FAT3: variants seen among roughly 807,000 people sequenced by gnomAD.
The protein encoded by FAT3 is protocadherin Fat 3.
Under a neutral mutation model 310.2 loss-of-function variants are expected in FAT3, and 95 were observed. That is an observed-to-expected ratio of 0.31 (90% CI 0.26 to 0.36). The LOEUF (loss-of-function observed/expected upper bound fraction) is 0.36, where lower values mean the gene tolerates loss of function less well. Among genes scored for constraint, FAT3 ranks in the 10% least tolerant of loss-of-function variants. The pLI is 1.00. For synonymous variants in FAT3, 2,314 were observed against 2,192.9 expected (o/e 1.06, Z -1.54); for missense variants, 5,408 against 5,715.6 (o/e 0.95, Z 1.74).
chr11:92,244,336 A>G (rs935878108), intron 1 of FAT3, among the ~76,000 whole-genome samples: 1 of 152,092 alleles, frequency 6.6e-6, no homozygotes, highest in Non-Finnish European at 1.5e-5. Context: ...ACTCCCAGTT[A>G]AATTTGAAAA....
intron 1 of FAT3, among the ~76,000 whole-genome samples, chr11:92,345,282 C>G (rs1336205291): frequency 6.6e-6 from 1 of 152,054 alleles, no homozygotes; most frequent in Non-Finnish European, 1.5e-5. Flanking sequence ...TTGTTAGATA[C>G]TATAAGAAGA....
rs907675563 is a variant in FAT3 at position 92,599,113 on chromosome 11, G to A, written c.3607+74165G>A. On this transcript the variant is annotated intron_variant, in intron 3 of 27. Coordinates refer to ENST00000525166, the MANE Select transcript of FAT3 (RefSeq NM_001367949.2). ...CCTCTCTAATGAGTGTTACTATTCA[G>A]GGGAGTACACTTCTTGCTCAAGGGA... Among the ~76,000 whole-genome samples, 3 of 152,242 alleles carry A rather than the reference G, an allele frequency of 2.0e-5. No homozygotes were observed. The East Asian group carries it at 5.8e-4, about 29-fold the overall frequency.
chr11:92,557,552 A>G (rs1293876083), intron 3 of FAT3, among the ~76,000 whole-genome samples: 2 of 152,166 alleles, frequency 1.3e-5, no homozygotes, highest in African/African-American at 2.4e-5. Context: ...ACCCCAGGCC[A>G]CTGATCTCCT....
chr11:92,768,192 G>A (rs994344558), intron 6 of FAT3, among the ~76,000 whole-genome samples: 10 of 152,170 alleles, frequency 6.6e-5, no homozygotes, highest in African/African-American at 2.4e-4. Context: ...GTCTCTGAAT[G>A]AGGACCTACA....
chr11:92,355,544 C>G, intron 2 of FAT3, 140 bp downstream of exon 2: 1 of 775,154 alleles, frequency 1.3e-6, no homozygotes, highest in Non-Finnish European at 2.0e-6. Context: ...CACATAGATG[C>G]TTTTTCTTAG....
chr11:92,841,517 A>T (rs1392288188), intron 18 of FAT3, among the ~76,000 whole-genome samples: 1 of 152,194 alleles, frequency 6.6e-6, no homozygotes, highest in African/African-American at 2.4e-5. Context: ...TACTCCATGA[A>T]ACCTTCTAAA....
chr11:92,624,224 G>A (rs898065758), intron 3 of FAT3, among the ~76,000 whole-genome samples: 3 of 152,204 alleles, frequency 2.0e-5, no homozygotes, highest in Non-Finnish European at 1.5e-5. Context: ...ACACCTGCCT[G>A]TGGTTGTGTA....
intron 4 of FAT3, among the ~76,000 whole-genome samples, chr11:92,705,803 GTGT>G (rs1944316174): frequency 5.1e-5 from 2 of 39,230 alleles, no homozygotes; most frequent in African/African-American, 1.7e-4. Context: ...GATGGTGTTG[GTGT>G]TGGTGGTGGT....
intron 1 of FAT3, among the ~76,000 whole-genome samples, chr11:92,287,202 T>A (rs780046327): frequency 1.8e-4 from 28 of 152,280 alleles, no homozygotes; most frequent in Non-Finnish European, 3.8e-4. Context: ...CTTGGAGAAT[T>A]GCAGATCAAA....
At chr11:92,272,875 C>T (rs1019139910) in intron 1 of FAT3, among the ~76,000 whole-genome samples, 6 of 152,100 alleles carry the variant, frequency 3.9e-5, no homozygotes, top group African/African-American at 1.4e-4. Context: ...CATCTGCAAA[C>T]CTGCTGTCCA....
intron 3 of FAT3, among the ~76,000 whole-genome samples, chr11:92,627,780 G>A (rs1290432047): frequency 6.6e-6 from 1 of 152,194 alleles, no homozygotes; most frequent in Non-Finnish European, 1.5e-5. Context: ...TTACCGTGTA[G>A]AAAGCAGAGT....
intron 13 of FAT3, among the ~76,000 whole-genome samples, chr11:92,813,992 A>G (rs1947752361): frequency 6.6e-6 from 1 of 152,196 alleles, no homozygotes; most frequent in Non-Finnish European, 1.5e-5. Context: ...TGCCCTTATA[A>G]AAGAGGCTTC....
chr11:92,423,316 T>C (rs537277141), intron 2 of FAT3, among the ~76,000 whole-genome samples: 1 of 152,150 alleles, frequency 6.6e-6, no homozygotes, highest in Non-Finnish European at 1.5e-5. Flanking sequence ...TAATAAAATA[T>C]AAAACAGCTC....
intron 1 of FAT3, among the ~76,000 whole-genome samples, chr11:92,298,188 C>T (rs1198118741): frequency 6.6e-6 from 1 of 152,074 alleles, no homozygotes; most frequent in Non-Finnish European, 1.5e-5. Context: ...GAACATTTAG[C>T]TCTTTCAAAG....
At position 92,895,739 on chromosome 11, in the gene FAT3, TG is replaced by T. The variant is rs1474023783; in HGVS notation, c.*4628del. ...GTACGTTTGCCTGTTGCAAACAGGCTGGTTTGTAAAAGATGTATGTTTTGGT... is the reference window on the plus strand; with the variant it reads ...GTACGTTTGCCTGTTGCAAACAGGCTGTTTGTAAAAGATGTATGTTTTGGT... On this transcript the variant is annotated 3_prime_UTR_variant, in exon 28 of 28. Transcript: ENST00000525166. The T allele has an allele frequency of 6.6e-6, 1 of 152,220 alleles. No individual in the cohort carries two copies. The highest frequency in any genetic ancestry group is 6.5e-5 in the Admixed American group (1 of 15,286). 9.4% of individuals were successfully genotyped at this position (152,220 alleles called of 1,614,324 possible).
intron 1 of FAT3, among the ~76,000 whole-genome samples, chr11:92,319,599 A>G (rs1947555665): frequency 1.3e-5 from 2 of 152,220 alleles, no homozygotes; most frequent in Non-Finnish European, 2.9e-5. Context: ...AGTGTTGCTG[A>G]TAGAAAAATG....
chr11:92,253,162 T>C, intron 1 of FAT3, among the ~76,000 whole-genome samples: 1 of 151,976 alleles, frequency 6.6e-6, no homozygotes, highest in South Asian at 2.1e-4. Context: ...CAGTATGCCT[T>C]TTCTTTCCTT....
chr11:92,318,034 T>G (rs2134481302), intron 1 of FAT3, among the ~76,000 whole-genome samples: 1 of 152,316 alleles, frequency 6.6e-6, no homozygotes, highest in Admixed American at 6.5e-5. Context: ...TTATATGTCT[T>G]TACTCTGAAA....
At chr11:92,255,961 C>T (rs1284287865) in intron 1 of FAT3, among the ~76,000 whole-genome samples, 2 of 152,108 alleles carry the variant, frequency 1.3e-5, no homozygotes, top group Non-Finnish European at 2.9e-5. Flanking sequence ...GTGACATCTA[C>T]CCCATGACAC....
Sources: allele counts gnomAD v4.1 joint callset (sites outside exome capture counted in the v4.1 genomes callset), GRCh38; gene constraint gnomAD v4.1.1; transcripts MANE v1.5; gene names NCBI Gene and HGNC (gene_info 2026-07-23, HGNC 2026-07-21).